ANKIB1: variants seen among roughly 807,000 people sequenced by gnomAD.
The protein encoded by ANKIB1 is ankyrin repeat and IBR domain containing 1.
In ANKIB1, 43 loss-of-function variants were observed where a neutral mutation model predicts 122.1. The ratio of observed to expected loss-of-function variants is 0.35; its 90% CI spans 0.28 to 0.45. ANKIB1 has a LOEUF of 0.45. Ranked by LOEUF, ANKIB1 falls within the 20% of genes least tolerant of loss-of-function variation. ANKIB1 has a pLI of 1.00. For missense variants in ANKIB1, 992 were observed against 1,329.5 expected (o/e 0.75, Z 3.95); for synonymous variants, 390 against 442.0 (o/e 0.88, Z 1.48).
At chr7:92,247,184 G>C (rs1190094976) in intron 1 of ANKIB1, among the ~76,000 whole-genome samples, 2 of 152,116 alleles carry the variant, frequency 1.3e-5, no homozygotes, top group Non-Finnish European at 2.9e-5. Flanking sequence ...ATCTTGTATT[G>C]GAATGACCAT....
rs80225119 is a variant in ANKIB1, at chr7:92,305,589, G to A, written c.189-1770G>A. Among the ~76,000 whole-genome samples the A allele has an allele frequency of 2.9e-3, 441 of 152,236 alleles. 4 individuals are homozygous for A. The highest frequency in any genetic ancestry group is 0.01 in the African/African-American group (419 of 41,560). On this transcript the variant is annotated intron_variant, in intron 2 of 19. Transcript: ENST00000265742. The stretch of plus-strand genomic sequence containing the variant: ...CTATATGAAGACAAAGAAAAGAGTG[G>A]CAAACTGAACTGGTGGGGGAGCCTA...
rs115094140 is a variant in ANKIB1, at chr7:92,372,072, G to A, written c.1617+465G>A. 3.0e-4 allele frequency among the ~76,000 whole-genome samples: 46 copies of A among 151,076 alleles called. 1 individual carries two copies. The highest frequency in any genetic ancestry group is 6.8e-3 in the Middle Eastern group (2 of 294). On this transcript the variant is annotated intron_variant, in intron 11 of 19. Transcript: ENST00000265742. The stretch of plus-strand genomic sequence containing the variant: ...TCTTTTGCAAAGCTGGTTTTGGAGC[G>A]TACGGCTTAGACTCAAGGCCCAAAC...
chr7:92,352,233 A>C (rs1289907518), intron 8 of ANKIB1, among the ~76,000 whole-genome samples: 1 of 152,198 alleles, frequency 6.6e-6, no homozygotes, highest in Non-Finnish European at 1.5e-5. Flanking sequence ...CATGGTTTTT[A>C]GATTAAAGAA....
At chr7:92,307,032 C>T (rs929554533) in intron 2 of ANKIB1, among the ~76,000 whole-genome samples, 2 of 152,168 alleles carry the variant, frequency 1.3e-5, no homozygotes, top group African/African-American at 4.8e-5. Context: ...CTGTAAATTA[C>T]CACTGTGTTT....
At chr7:92,259,554 C>G (rs1456261222) in intron 1 of ANKIB1, among the ~76,000 whole-genome samples, 1 of 152,126 alleles carries the variant, frequency 6.6e-6, no homozygotes, top group Non-Finnish European at 1.5e-5. Context: ...AGGAAATTAT[C>G]AGGGGATTTA....
At chr7:92,341,944 AC>A (rs768734953) in intron 5 of ANKIB1, among the ~76,000 whole-genome samples, 1 of 152,150 alleles carries the variant, frequency 6.6e-6, no homozygotes, top group South Asian at 2.1e-4. Context: ...ATATTTATAT[AC>A]GTACTTGTTT....
chr7:92,292,446 T>G (rs1802269128), intron 1 of ANKIB1, among the ~76,000 whole-genome samples: 1 of 152,214 alleles, frequency 6.6e-6, no homozygotes, highest in Admixed American at 6.5e-5. Context: ...TTTCTTTTTT[T>G]TACTTCTTAG....
chr7:92,285,490 G>A (rs937440404), intron 1 of ANKIB1, among the ~76,000 whole-genome samples: 17 of 152,208 alleles, frequency 1.1e-4, no homozygotes, highest in Admixed American at 6.5e-4. Flanking sequence ...TACAAATTGT[G>A]AAACTCTATG....
chr7:92,370,576 G>C (rs1055297923), intron 10 of ANKIB1, among the ~76,000 whole-genome samples: 6 of 146,368 alleles, frequency 4.1e-5, no homozygotes, highest in African/African-American at 1.5e-4. Flanking sequence ...GTTAGATAGA[G>C]GACAATATTT....
At chr7:92,356,116 C>G (rs1208924410) in intron 9 of ANKIB1, among the ~76,000 whole-genome samples, 3 of 152,024 alleles carry the variant, frequency 2.0e-5, no homozygotes, top group East Asian at 1.9e-4. Context: ...ACTTTTTTCT[C>G]CAACATTCAC....
At chr7:92,304,711 C>A (rs1055075578) in intron 2 of ANKIB1, among the ~76,000 whole-genome samples, 1 of 151,980 alleles carries the variant, frequency 6.6e-6, no homozygotes, top group Admixed American at 6.5e-5. Context: ...AGATAATAAT[C>A]TTGAATACAT....
intron 8 of ANKIB1, among the ~76,000 whole-genome samples, chr7:92,351,882 G>A (rs750467345): frequency 1.1e-4 from 16 of 151,610 alleles, no homozygotes; most frequent in Non-Finnish European, 1.9e-4. Flanking sequence ...TACCACTCCC[G>A]GCTAATTTTT....
chr7:92,351,236 C>A, intron 8 of ANKIB1, 142 bp downstream of exon 8: 1 of 713,528 alleles, frequency 1.4e-6, no homozygotes. Context: ...AGAAAAGTTG[C>A]TTAAAGGAAT....
intron 1 of ANKIB1, among the ~76,000 whole-genome samples, chr7:92,289,451 G>C (rs1321069711): frequency 6.6e-6 from 1 of 152,114 alleles, no homozygotes; most frequent in African/African-American, 2.4e-5. Context: ...TCTCAAAGAG[G>C]TTAAGTTACC....
Position 92,251,270 on chromosome 7 carries a change from C to T in ANKIB1, c.-91+4751C>T, listed in dbSNP as rs374093448. Among the ~76,000 whole-genome samples, 47 of 152,276 alleles carry T rather than the reference C, an allele frequency of 3.1e-4. 1 individual carries two copies. Among genetic ancestry groups the T allele is most frequent in the African/African-American group, 9.6e-4 (40 of 41,556 alleles). Reference sequence around the variant, plus strand: ...GAGCTGTAAAATGTTCATTTAAAATCCATGAAGAGAAGGGAGAGTTCATTG... The same window carrying T: ...GAGCTGTAAAATGTTCATTTAAAATTCATGAAGAGAAGGGAGAGTTCATTG... On this transcript the variant is annotated intron_variant, in intron 1 of 19. Transcript: ENST00000265742.
At chr7:92,275,566 T>C (rs1801885135) in intron 1 of ANKIB1, among the ~76,000 whole-genome samples, 1 of 152,066 alleles carries the variant, frequency 6.6e-6, no homozygotes, top group South Asian at 2.1e-4. Context: ...AGTGAAAAAT[T>C]AATTCAATCC....
At chr7:92,269,980 C>T (rs1193455014) in intron 1 of ANKIB1, among the ~76,000 whole-genome samples, 1 of 151,332 alleles carries the variant, frequency 6.6e-6, no homozygotes, top group African/African-American at 2.4e-5. Context: ...TGACAGGCCC[C>T]AGTGTGTGAG....
Position 92,327,859 on chromosome 7 carries a change from A to G in ANKIB1, c.746A>G (p.Gln249Arg). 1 of 1,595,778 alleles carries G rather than the reference A, an allele frequency of 6.3e-7. No homozygotes were observed. Among genetic ancestry groups the G allele is most frequent in the Non-Finnish European group, 8.5e-7 (1 of 1,174,768 alleles). The part of the protein sequence containing the change: ...MLIVETADML[Q>R]APLFTAEALL... ...ATTGTGGAAACTGCAGACATGCTTC[A>G]GGCTCCTCTCTTTACTGCTGAAGCT... The change falls in exon 5 of 20, where the codon CAG becomes CGG. Residue 249 changes from glutamine (Q) to arginine (R), a missense_variant. Gln to Arg is a conservative substitution (Grantham distance 43). Coordinates refer to ENST00000265742, the MANE Select transcript of ANKIB1 (RefSeq NM_019004.2).
intron 11 of ANKIB1, among the ~76,000 whole-genome samples, chr7:92,374,366 T>C (rs1804337540): frequency 6.6e-6 from 1 of 152,074 alleles, no homozygotes; most frequent in Non-Finnish European, 1.5e-5. Context: ...TAATCCCAGC[T>C]ACTAGGGAGG....
Sources: gnomAD v4.1 joint callset for allele counts (sites outside exome capture counted in the v4.1 genomes callset) on GRCh38, gnomAD v4.1.1 for gene constraint, MANE v1.5 for transcripts, NCBI Gene and HGNC (gene_info 2026-07-23, HGNC 2026-07-21) for gene names.